CALCR: variants seen among roughly 807,000 people sequenced by gnomAD.
CALCR encodes calcitonin receptor.
In CALCR, 47 loss-of-function variants were observed where a neutral mutation model predicts 59.5. The observed-to-expected ratio is 0.79, with a 90% CI of 0.63 to 1.01. The LOEUF (loss-of-function observed/expected upper bound fraction) is 1.01, where lower values mean the gene tolerates loss of function less well. CALCR is among the 50% of genes least tolerant of loss of function. CALCR has a pLI of 0.00. For synonymous variants in CALCR, 213 were observed against 211.3 expected (o/e 1.01, Z -0.07); for missense variants, 566 against 597.1 (o/e 0.95, Z 0.54).
chr7:93,529,844 T>C (rs1788784950), intron 2 of CALCR, among the ~76,000 whole-genome samples: 1 of 152,164 alleles, frequency 6.6e-6, no homozygotes, highest in Admixed American at 6.6e-5. Context: ...CAAACGAATG[T>C]TAATATATGT....
At chr7:93,559,539 C>A (rs1241712313) in intron 2 of CALCR, 2 of 151,948 alleles carry the variant, frequency 1.3e-5, no homozygotes, top group African/African-American at 4.8e-5. Context: ...AACTGCAGTC[C>A]CAATGATGAA....
chr7:93,451,058 T>G (rs1429981203), intron 8 of CALCR, among the ~76,000 whole-genome samples: 6 of 151,928 alleles, frequency 3.9e-5, no homozygotes, highest in Admixed American at 3.9e-4. Flanking sequence ...CCTGCCTTCA[T>G]GATTTGTAGT....
intron 2 of CALCR, among the ~76,000 whole-genome samples, chr7:93,539,095 A>G (rs947516003): frequency 1.3e-5 from 2 of 152,102 alleles, no homozygotes; most frequent in East Asian, 1.9e-4. Context: ...ATATGTTGAT[A>G]TGTTACAATA....
chr7:93,528,785 T>C lies in CALCR; in HGVS notation c.-26-41778A>G, dbSNP rs1788748366. On this transcript the variant is annotated intron_variant, in intron 2 of 13. Transcript: ENST00000426151. ...TAAAGTTGAAGTTCCATAATACTAA[T>C]ATTCTATTTGACCACAAGATACTTG... Among the ~76,000 whole-genome samples, 2 of 152,316 alleles carry C rather than the reference T, an allele frequency of 1.3e-5. 1 individual carries two copies. Among genetic ancestry groups the C allele is most frequent in the Admixed American group, 1.3e-4 (2 of 15,288 alleles).
At chr7:93,473,944 C>CA (rs1800611260) in intron 5 of CALCR, among the ~76,000 whole-genome samples, 1 of 151,344 alleles carries the variant, frequency 6.6e-6, no homozygotes, top group African/African-American at 2.4e-5. Flanking sequence ...AGTAAAGTTC[C>CA]AAACTTGATA....
In CALCR at chr7:93,479,336, A is replaced by G. The variant is rs761570414; in HGVS notation, c.205+18T>C. On this transcript the variant is annotated intron_variant, in intron 4 of 13. Transcript: ENST00000426151. ...AATGGTGTTTCAAACATATGTTCAT[A>G]TATATCCTTCTCTTTACCTTCTCCT... 6.3e-7 allele frequency: 1 copy of G among 1,598,222 alleles called. No homozygotes were observed. Among genetic ancestry groups the G allele is most frequent in the Non-Finnish European group, 8.5e-7 (1 of 1,172,640 alleles).
chr7:93,458,913 T>C (rs1406154098), intron 8 of CALCR, among the ~76,000 whole-genome samples: 3 of 152,200 alleles, frequency 2.0e-5, no homozygotes, highest in Non-Finnish European at 2.9e-5. Flanking sequence ...TAAACAGTTA[T>C]ATCATTAAAC....
At chr7:93,512,850 A>C (rs1213551405) in intron 2 of CALCR, among the ~76,000 whole-genome samples, 1 of 152,150 alleles carries the variant, frequency 6.6e-6, no homozygotes, top group Non-Finnish European at 1.5e-5. Flanking sequence ...AGCACTCATA[A>C]AATTTTTTCC....
rs1315544183 is a variant in CALCR at position 93,479,472 on chromosome 7, T to A, written c.87A>T (p.Gln29His). Residue 29 changes from glutamine (Q) to histidine (H), a missense_variant, in exon 4 of 14, where the codon CAA becomes CAT. Physicochemically the swap from Gln to His is conservative, Grantham distance 24. Coordinates refer to ENST00000426151, the MANE Select transcript of CALCR (RefSeq NM_001742.4). ...PTPILPAFSN[Q>H]TYPTIEPKPF... ...GCTTGGGCTCTATTGTTGGATAGGTTTGATTTGAAAAGGCAGGAAGAATTG... is the reference window on the plus strand; with the variant it reads ...GCTTGGGCTCTATTGTTGGATAGGTATGATTTGAAAAGGCAGGAAGAATTG... 6.8e-6 allele frequency: 11 copies of A among 1,612,406 alleles called. No individual in the cohort carries two copies. The highest frequency in any genetic ancestry group is 8.5e-6 in the Non-Finnish European group (10 of 1,179,036).
Position 93,426,467 on chromosome 7 carries a change from G to T in CALCR, c.1314C>A (p.Ile438=), listed in dbSNP as rs145853724. ...GCTCCTGATGGCAGATGTAAATTGG[G>T]ATGTCGCCAGCCTCCGCAGCAGCGG... ...AAAAAAEAGD[I]PIYICHQELR... is the part of the protein sequence containing the mutation. The change falls in exon 14 of 14, where the codon ATC becomes ATA. Residue 438 remains isoleucine, a synonymous_variant. Transcript: ENST00000426151. The T allele has an allele frequency of 6.2e-7, 1 of 1,613,852 alleles. No individual in the cohort carries two copies. Among genetic ancestry groups the T allele is most frequent in the Admixed American group, 1.7e-5 (1 of 60,026 alleles).
At chr7:93,497,728 A>G (rs1462056631) in intron 2 of CALCR, among the ~76,000 whole-genome samples, 2 of 151,564 alleles carry the variant, frequency 1.3e-5, no homozygotes, top group East Asian at 1.9e-4. Context: ...CATGTCCTTC[A>G]TATCTTTTCA....
intron 2 of CALCR, among the ~76,000 whole-genome samples, chr7:93,517,013 C>T (rs1247720152): frequency 3.3e-5 from 5 of 151,844 alleles, no homozygotes; most frequent in Admixed American, 2.6e-4. Flanking sequence ...ACATTAGAAC[C>T]ATGAGAGTAT....
intron 6 of CALCR, among the ~76,000 whole-genome samples, chr7:93,470,001 AT>A (rs3839834): frequency 0.4 from 60,955 of 151,416 alleles, 12,972 homozygotes; most frequent in South Asian, 0.49. Flanking sequence ...TATGTGCATT[AT>A]TGTTATCCTG....
At chr7:93,451,050 T>C (rs1800098973) in intron 8 of CALCR, among the ~76,000 whole-genome samples, 2 of 152,022 alleles carry the variant, frequency 1.3e-5, no homozygotes, top group African/African-American at 4.8e-5. Context: ...AGACACTTCC[T>C]GCCTTCATGA....
At chr7:93,527,243 A>C (rs1788680730) in intron 2 of CALCR, among the ~76,000 whole-genome samples, 1 of 151,734 alleles carries the variant, frequency 6.6e-6, no homozygotes, top group African/African-American at 2.4e-5. Flanking sequence ...ATGTTTATGA[A>C]ATATGTACAT....
chr7:93,428,219 G>C (rs1584528654), intron 13 of CALCR, among the ~76,000 whole-genome samples: 1 of 152,228 alleles, frequency 6.6e-6, no homozygotes, highest in Non-Finnish European at 1.5e-5. Flanking sequence ...CGTATCATAA[G>C]TATGTGATTT....
intron 8 of CALCR, among the ~76,000 whole-genome samples, chr7:93,448,371 C>A (rs1800044926): frequency 6.6e-6 from 1 of 151,958 alleles, no homozygotes; most frequent in South Asian, 2.1e-4. Context: ...TTAAAAATAA[C>A]AGCCATATGT....
At chr7:93,558,553 A>G (rs1203405374) in intron 2 of CALCR, among the ~76,000 whole-genome samples, 1 of 152,144 alleles carries the variant, frequency 6.6e-6, no homozygotes, top group Non-Finnish European at 1.5e-5. Flanking sequence ...GGTAGGTTTC[A>G]CATGTCTTGC....
Position 93,460,865 on chromosome 7 carries a change from G to C in CALCR, c.604C>G (p.Leu202Val). The C allele has an allele frequency of 6.2e-7, 1 of 1,611,256 alleles. No individual in the cohort carries two copies. Among genetic ancestry groups the C allele is most frequent in the Admixed American group, 1.7e-5 (1 of 59,846 alleles). The part of the protein sequence containing the change: ...ILNSMIIIIH[L>V]VEVVPNGELV... The stretch of plus-strand genomic sequence containing the variant: ...TCTCCATTGGGTACTACTTCAACCA[G>C]GTGGATGATGATAATCATAGAATTC... The change falls in exon 8 of 14, where the codon CTG (leucine) becomes GTG (valine). Residue 202 changes from leucine (L) to valine (V), a missense_variant. By Grantham distance (32) the Leu-to-Val change is conservative (BLOSUM62 1). Transcript: ENST00000426151.
Sources: allele counts gnomAD v4.1 joint callset (sites outside exome capture counted in the v4.1 genomes callset), GRCh38; gene constraint gnomAD v4.1.1; transcripts MANE v1.5; gene names NCBI Gene and HGNC (gene_info 2026-07-23, HGNC 2026-07-21).